The following METTL5 variants were observed in gnomAD, a reference collection of about 807,000 sequenced individuals.
METTL5 encodes methyltransferase 5, N6-adenosine.
METTL5 carries 28 observed loss-of-function variants against 26.5 expected under a neutral mutation model. The ratio of observed to expected loss-of-function variants is 1.06; its 90% CI spans 0.78 to 1.45. METTL5 has a LOEUF of 1.45. Among genes scored for constraint, METTL5 ranks in the 40% most tolerant of loss-of-function variants. The pLI is 0.00. For missense variants in METTL5, 231 were observed against 249.9 expected, an observed-to-expected ratio of 0.92 and a Z score of 0.51; for synonymous variants, 86 against 82.6, an observed-to-expected ratio of 1.04 and a Z score of -0.22.
chr2:169,824,308 GTA>G (rs112662413), intron 1 of METTL5, 179 bp downstream of exon 1: 18,762 of 583,252 alleles, frequency 0.032, 342 homozygotes, highest in Middle Eastern at 0.044. Context: ...ATGATAGTGT[GTA>G]TGTCTGTGGA....
chr2:169,814,165 A>G (rs1451673959), intron 5 of METTL5, among the ~76,000 whole-genome samples: 3 of 152,036 alleles, frequency 2.0e-5, no homozygotes, highest in African/African-American at 7.2e-5. Flanking sequence ...AAAAAGATAA[A>G]TGTTATTTGA....
At chr2:169,812,605 G>C (rs1690010710) in intron 5 of METTL5, 99 bp from the exon 6 acceptor site, 3 of 1,324,914 alleles carry the variant, frequency 2.3e-6, no homozygotes, top group Admixed American at 2.2e-5. Context: ...AAAGTGTTAA[G>C]TGCTGGTAAG....
rs1038391241 is a variant in METTL5 at position 169,811,875 on chromosome 2, A to C, written c.592-17T>G. On this transcript the variant is annotated splice_polypyrimidine_tract_variant and intron_variant, in intron 6 of 6. Transcript: ENST00000260953. ...AATGTCCACCTGTGAGAAAGGAAAA[A>C]TTTTTTTGTTGTTTAACTTGTCTTT... is the stretch of plus-strand genomic sequence containing the variant. The C allele has an allele frequency of 2.2e-5, 36 of 1,611,820 alleles. No individual in the cohort carries two copies. The highest frequency in any genetic ancestry group is 8.9e-5 in the East Asian group (4 of 44,802).
chr2:169,815,009 A>G (rs1558976337), intron 5 of METTL5, among the ~76,000 whole-genome samples: 1 of 151,902 alleles, frequency 6.6e-6, no homozygotes, highest in Non-Finnish European at 1.5e-5. Context: ...CTCCCGCCTC[A>G]GTCTCCCAAG....
In METTL5 at chr2:169,811,875, A is replaced by AT. The variant is rs34213273; in HGVS notation, c.592-18dup. The AT allele has an allele frequency of 5.4e-4, 867 of 1,611,934 alleles. 5 individuals carry two copies. The African/African-American group carries it at 6.6e-3, about 12-fold the overall frequency. ...AATGTCCACCTGTGAGAAAGGAAAA[A>AT]TTTTTTTGTTGTTTAACTTGTCTTT... On this transcript the variant is annotated splice_polypyrimidine_tract_variant and intron_variant, in intron 6 of 6. Coordinates refer to ENST00000260953, the MANE Select transcript of METTL5 (RefSeq NM_014168.4).
At chr2:169,821,533 ACAC>A (rs1339022470) in intron 2 of METTL5, among the ~76,000 whole-genome samples, 23 of 151,884 alleles carry the variant, frequency 1.5e-4, no homozygotes, top group Admixed American at 1.3e-3. Flanking sequence ...CCACAGGCGC[ACAC>A]CACCACATCC....
At position 169,821,170 on chromosome 2, in the gene METTL5, A is replaced by T. The variant is rs1211271860; in HGVS notation, c.328T>A (p.Cys110Ser). The stretch of plus-strand genomic sequence containing the variant: ...TTGGACATTCTGTTAGATAATAAGC[A>T]CACATCACATTGAACCATGTCAATA... ...TNIDMVQCDV[C>S]LLSNRMSKSF... Residue 110 changes from cysteine to serine, a missense_variant, in exon 3 of 7, where the codon TGC (cysteine) becomes AGC (serine). By Grantham distance (112) the Cys-to-Ser change is moderately radical. Transcript: ENST00000260953. 1 of 1,612,744 alleles carries T rather than the reference A, an allele frequency of 6.2e-7. No individual in the cohort carries two copies. Among genetic ancestry groups the T allele is most frequent in the African/African-American group, 1.3e-5 (1 of 74,896 alleles).
At chr2:169,819,453 G>C in intron 4 of METTL5, 108 bp downstream of exon 4, 1 of 738,878 alleles carries the variant, frequency 1.4e-6, no homozygotes, top group Non-Finnish European at 2.1e-6. Context: ...ATGTCAAAAT[G>C]GTCAGGAGAA....
chr2:169,813,436 C>A (rs1361464038), intron 5 of METTL5, among the ~76,000 whole-genome samples: 2 of 151,538 alleles, frequency 1.3e-5, no homozygotes, highest in East Asian at 3.9e-4. Context: ...GCCTGAAATT[C>A]TTTATTTCTA....
At chr2:169,816,996 C>T (rs1303849567) in intron 4 of METTL5, among the ~76,000 whole-genome samples, 1 of 152,110 alleles carries the variant, frequency 6.6e-6, no homozygotes, top group Non-Finnish European at 1.5e-5. Flanking sequence ...TGAAAGTGAA[C>T]AGGCAGCCTA....
At position 169,821,906 on chromosome 2, in the gene METTL5, C is replaced by T. The variant is rs757131691; in HGVS notation, c.224+37G>A. On this transcript the variant is annotated intron_variant, in intron 2 of 6. Transcript: ENST00000260953. ...TCCCATTGATGCTCCTTATTAAAGC[C>T]ACCCAATACCCAAATAGCATATATT... The T allele has an allele frequency of 1.9e-6, 3 of 1,588,680 alleles. No individual in the cohort carries two copies. In the South Asian group the frequency reaches 3.3e-5, roughly 18 times the overall value.
chr2:169,824,527 A>AGCTTGG lies in METTL5; in HGVS notation c.65_70dup (p.Pro22_Lys23dup). 1 of 1,614,100 alleles carries AGCTTGG rather than the reference A, an allele frequency of 6.2e-7. No homozygotes were observed. The highest frequency in any genetic ancestry group is 2.2e-5 in the East Asian group (1 of 44,896). On this transcript the variant is annotated inframe_insertion, in exon 1 of 7. Transcript: ENST00000260953. ...CCTGGTAGGATACTGTTCCAGAAGT[A>AGCTTGG]GCTTGGGCTTTTCAAATCCATCCAC...
intron 4 of METTL5, among the ~76,000 whole-genome samples, chr2:169,816,574 G>GCAT (rs1232844424): frequency 6.6e-6 from 1 of 152,158 alleles, no homozygotes; most frequent in Non-Finnish European, 1.5e-5. Context: ...AACCAAAATA[G>GCAT]CATGGTACTG....
intron 1 of METTL5, among the ~76,000 whole-genome samples, chr2:169,823,464 C>A (rs184021328): frequency 6.6e-6 from 1 of 152,222 alleles, no homozygotes; most frequent in East Asian, 1.9e-4. Flanking sequence ...CTTTCATTGA[C>A]AACTTAGAAA....
At chr2:169,813,671 A>G (rs1690055128) in intron 5 of METTL5, among the ~76,000 whole-genome samples, 1 of 151,256 alleles carries the variant, frequency 6.6e-6, no homozygotes. Flanking sequence ...CCTGACCAAC[A>G]TTGTGAAACC....
intron 1 of METTL5, among the ~76,000 whole-genome samples, chr2:169,822,946 C>G (rs1411644409): frequency 6.6e-6 from 1 of 152,172 alleles, no homozygotes; most frequent in Non-Finnish European, 1.5e-5. Flanking sequence ...CTGAACCCAG[C>G]AAGGACTGTT....
chr2:169,821,356 A>T (rs1573972838), intron 2 of METTL5, 83 bp from the exon 3 acceptor site: 22 of 855,546 alleles, frequency 2.6e-5, no homozygotes, highest in Non-Finnish European at 3.6e-5. Context: ...TTTTTTTTTT[A>T]AACCATATAT....
Position 169,821,070 on chromosome 2 carries a change from ATACCCG to A in METTL5, c.406+16_406+21del. On this transcript the variant is annotated intron_variant, in intron 3 of 6. Transcript: ENST00000260953. Reference sequence around the variant, plus strand: ...AAATCTTTTCTATAAATATACCAATATACCCGATTCTTGTTACAAACCTTTATTATT... The same window carrying A: ...AAATCTTTTCTATAAATATACCAATAATTCTTGTTACAAACCTTTATTATT... 1 of 1,549,508 alleles carries A rather than the reference ATACCCG, an allele frequency of 6.5e-7. No individual in the cohort carries two copies. Among genetic ancestry groups the A allele is most frequent in the South Asian group, 1.2e-5 (1 of 81,486 alleles).
intron 5 of METTL5, among the ~76,000 whole-genome samples, chr2:169,814,867 G>A (rs934817464): frequency 1.1e-4 from 17 of 147,912 alleles, no homozygotes; most frequent in African/African-American, 4.2e-4. Flanking sequence ...GAGCTACCGC[G>A]CCCGGCCCAC....
Sources: gnomAD v4.1 joint callset for allele counts (sites outside exome capture counted in the v4.1 genomes callset) on GRCh38, gnomAD v4.1.1 for gene constraint, MANE v1.5 for transcripts, NCBI Gene and HGNC (gene_info 2026-07-23, HGNC 2026-07-21) for gene names.